The following NLRP4 variants were observed in gnomAD, a reference collection of about 807,000 sequenced individuals.
NLRP4 encodes NLR family pyrin domain containing 4.
In NLRP4, 44 loss-of-function variants were observed where a neutral mutation model predicts 84.7. The ratio of observed to expected loss-of-function variants is 0.52; its 90% CI spans 0.41 to 0.67. NLRP4 has a LOEUF of 0.67. Ranked by LOEUF, NLRP4 falls within the 30% of genes least tolerant of loss-of-function variation. NLRP4 has a pLI of 0.00. For missense variants in NLRP4, 1,260 were observed against 1,219.4 expected, an observed-to-expected ratio of 1.03 and a Z score of -0.50; for synonymous variants, 544 against 476.4, an observed-to-expected ratio of 1.14 and a Z score of -1.85.
At chr19:55,859,986 CT>C (rs774606132) in intron 3 of NLRP4, among the ~76,000 whole-genome samples, 171 of 96,486 alleles carry the variant, frequency 1.8e-3, no homozygotes, top group South Asian at 9.9e-3. Context: ...TCTTCTTGTT[CT>C]TTTTTTTTTT....
At chr19:55,861,196 G>A (rs1348355905) in intron 3 of NLRP4, among the ~76,000 whole-genome samples, 190 bp from the exon 4 acceptor site, 2 of 152,136 alleles carry the variant, frequency 1.3e-5, no homozygotes, top group Non-Finnish European at 2.9e-5. Context: ...GTCCCCTGGG[G>A]GGAAACGTCA....
rs781729250 is a variant in NLRP4, at chr19:55,861,390, G to A, written c.1861G>A (p.Asp621Asn). 37 of 1,613,422 alleles carry A rather than the reference G, an allele frequency of 2.3e-5. No individual in the cohort carries two copies. Among genetic ancestry groups the A allele is most frequent in the Middle Eastern group, 3.3e-4 (2 of 6,074 alleles). ...CTCGTCCTTTCTTGACCACAGGTCG[G>A]ATTACAGCCTCATCTGTTGGCATCA... is the stretch of plus-strand genomic sequence containing the variant. ...KKEDEHSSTS[D>N]YSLICWHHIC... is the part of the protein sequence containing the mutation. The change falls in exon 4 of 10, where the codon GAT (aspartate) becomes AAT (asparagine). Residue 621 changes from aspartate (D) to asparagine (N), a missense_variant. Transcript: ENST00000301295.
At chr19:55,870,277 C>A (rs1358875208) in intron 6 of NLRP4, among the ~76,000 whole-genome samples, 3 of 152,098 alleles carry the variant, frequency 2.0e-5, no homozygotes, top group African/African-American at 7.2e-5. Flanking sequence ...AAATTAAAGC[C>A]CTGTTAGAGT....
chr19:55,867,950 C>A, intron 6 of NLRP4, 74 bp downstream of exon 6: 3 of 1,327,976 alleles, frequency 2.3e-6, no homozygotes, highest in Non-Finnish European at 3.2e-6. Context: ...TGATGACAGT[C>A]TGCTCATTGA....
At chr19:55,867,198 A>G (rs1329112219) in intron 5 of NLRP4, among the ~76,000 whole-genome samples, 1 of 139,290 alleles carries the variant, frequency 7.2e-6, no homozygotes, top group East Asian at 2.2e-4. Context: ...GACAGTGCAT[A>G]TCAGGTTGGC....
chr19:55,854,847 G>A (rs143378901), intron 2 of NLRP4, among the ~76,000 whole-genome samples: 2,481 of 152,032 alleles, frequency 0.016, 72 homozygotes, highest in African/African-American at 0.057. Flanking sequence ...CTCAGCCTCC[G>A]GAGTAGCTGG....
intron 6 of NLRP4, among the ~76,000 whole-genome samples, chr19:55,869,552 A>C (rs951235719): frequency 1.5e-4 from 23 of 152,106 alleles, no homozygotes; most frequent in Non-Finnish European, 2.9e-4. Context: ...TCCATGTGGG[A>C]ATGCGGCTCA....
Position 55,858,709 on chromosome 19 carries a change from T to C in NLRP4, c.1316T>C (p.Leu439Pro). 6.2e-7 allele frequency: 1 copy of C among 1,614,194 alleles called. No individual in the cohort carries two copies. Among genetic ancestry groups the C allele is most frequent in the Non-Finnish European group, 8.5e-7 (1 of 1,180,024 alleles). Residue 439 changes from leucine (L) to proline (P), a missense_variant, in exon 3 of 10, where the codon CTG becomes CCG. Leu to Pro is a moderately conservative substitution (Grantham distance 98). Coordinates refer to ENST00000301295, the MANE Select transcript of NLRP4 (RefSeq NM_134444.5). This position sits in a 1 kb window ranked among gnomAD's most constrained non-coding sequence, Gnocchi z 4.2. ...IPALLGTKIL[L>P]KYGERESSYV... ...GCGCTGCTGGGCACCAAGATACTTC[T>C]GAAGTACGGGGAGCGTGAGAGCTCC... is the stretch of plus-strand genomic sequence containing the variant.
At chr19:55,879,661 A>G (rs1191286316) in intron 9 of NLRP4, among the ~76,000 whole-genome samples, 1 of 152,138 alleles carries the variant, frequency 6.6e-6, no homozygotes, top group Non-Finnish European at 1.5e-5. Flanking sequence ...CATTCCCCCC[A>G]TGCAATCTTC....
intron 7 of NLRP4, 42 bp from the exon 8 acceptor site, chr19:55,876,954 G>A (rs768255629): frequency 6.5e-7 from 1 of 1,531,162 alleles, no homozygotes; most frequent in Non-Finnish European, 9.0e-7. Context: ...ATTAGACTGA[G>A]GTGTAATAGC....
chr19:55,879,636 T>C (rs1380872537), intron 9 of NLRP4, among the ~76,000 whole-genome samples: 1 of 152,190 alleles, frequency 6.6e-6, no homozygotes, highest in African/African-American at 2.4e-5. Flanking sequence ...CTCTTTTCAC[T>C]GGCGCAGCTG....
chr19:55,837,257 G>T (rs1034856141), intron 1 of NLRP4, among the ~76,000 whole-genome samples: 1 of 151,994 alleles, frequency 6.6e-6, no homozygotes, highest in Non-Finnish European at 1.5e-5. Context: ...TAGCTATGGG[G>T]TCCTATTCTT....
intron 1 of NLRP4, among the ~76,000 whole-genome samples, chr19:55,839,368 T>A (rs899364914): frequency 4.0e-5 from 6 of 151,630 alleles, no homozygotes; most frequent in African/African-American, 1.5e-4. Flanking sequence ...CACACACACA[T>A]ACCCACACAC....
chr19:55,877,114 C>T lies in NLRP4; in HGVS notation c.2644C>T (p.Gln882Ter), dbSNP rs1348956069. ...CAATGAAATCGGAGATGTGGGTGTG[C>T]AGCTGTTGTGTCGGGCTCTGACGCA... is the stretch of plus-strand genomic sequence containing the variant. The part of the protein sequence containing the change: ...GCNEIGDVGV[Q>*]LLCRALTHTD... Residue 882 changes from glutamine to a stop codon, truncating the protein, a stop_gained, in exon 8 of 10, where the codon CAG becomes TAG. Transcript: ENST00000301295. LOFTEE classifies it high-confidence loss of function. 1.2e-6 allele frequency: 2 copies of T among 1,614,102 alleles called. No homozygotes were observed. Among genetic ancestry groups the T allele is most frequent in the East Asian group, 2.2e-5 (1 of 44,884 alleles).
chr19:55,857,436 GTC>G (rs1190814235), intron 2 of NLRP4: 7 of 519,076 alleles, frequency 1.3e-5, no homozygotes, highest in Middle Eastern at 4.9e-4. Flanking sequence ...GAGTCATACG[GTC>G]TCTCATAGCT....
intron 1 of NLRP4, among the ~76,000 whole-genome samples, chr19:55,838,035 C>CCAAAAAAAAAAAAAAAAAAAAAGGA (rs59078329): frequency 7.5e-6 from 1 of 132,658 alleles, no homozygotes; most frequent in African/African-American, 3.0e-5. Flanking sequence ...GACTCGGTCT[C>CCAAAAAAAAAAAAAAAAAAAAAGGA]AAGCTGGATG....
rs767783431 is a variant in NLRP4, at chr19:55,858,116, C to G, written c.723C>G (p.Asn241Lys). ...DSFEELQGGL[N>K]EPDSDLCGDL... ...TCGAAGAGCTGCAGGGCGGCTTGAA[C>G]GAACCCGATTCGGATCTGTGTGGTG... Residue 241 changes from asparagine (N) to lysine (K), a missense_variant, in exon 3 of 10, where the codon AAC becomes AAG. Coordinates refer to ENST00000301295, the MANE Select transcript of NLRP4 (RefSeq NM_134444.5). This position sits in a 1 kb window ranked among gnomAD's most constrained non-coding sequence, Gnocchi z 4.2. 16 of 1,614,148 alleles carry G rather than the reference C, an allele frequency of 9.9e-6. No homozygotes were observed. The highest frequency in any genetic ancestry group is 1.4e-5 in the Non-Finnish European group (16 of 1,180,030).
At chr19:55,847,220 A>G (rs1983832738) in intron 1 of NLRP4, among the ~76,000 whole-genome samples, 1 of 151,974 alleles carries the variant, frequency 6.6e-6, no homozygotes, top group Admixed American at 6.6e-5. Context: ...TTTATTTTCC[A>G]CTGTATAACT....
At chr19:55,840,264 A>G (rs1472245018) in intron 1 of NLRP4, among the ~76,000 whole-genome samples, 2 of 151,956 alleles carry the variant, frequency 1.3e-5, no homozygotes, top group Non-Finnish European at 2.9e-5. Context: ...ATATCCTGCT[A>G]TGATTAGGGA....
Sources: allele counts gnomAD v4.1 joint callset (sites outside exome capture counted in the v4.1 genomes callset), GRCh38; gene constraint gnomAD v4.1.1; non-coding constraint Gnocchi (gnomAD v3.1); transcripts MANE v1.5; gene names NCBI Gene and HGNC (gene_info 2026-07-23, HGNC 2026-07-21).